Variants in SLC27A1 observed in about 807,000 individuals in gnomAD.
The protein encoded by SLC27A1 is long-chain fatty acid transport protein 1.
SLC27A1 carries 61 observed loss-of-function variants against 62.2 expected under a neutral mutation model. That is an observed-to-expected ratio of 0.98 (90% confidence interval 0.80 to 1.21). The LOEUF is 1.21. SLC27A1 is among the 50% of genes most tolerant of loss of function. The probability of loss-of-function intolerance (pLI) is 0.00; values close to 1 mark genes in which losing one functional copy is unlikely to be tolerated. For synonymous variants in SLC27A1, 435 were observed against 408.6 expected (o/e 1.06, Z -0.78); for missense variants, 903 against 932.1 (o/e 0.97, Z 0.41).
intron 1 of SLC27A1, among the ~76,000 whole-genome samples, chr19:17,477,109 G>C (rs533783287): frequency 6.6e-6 from 1 of 151,874 alleles, no homozygotes; most frequent in African/African-American, 2.4e-5. Flanking sequence ...GGCTGGTCTC[G>C]AACTCCTGGC....
At position 17,474,981 on chromosome 19, in the gene SLC27A1, G is replaced by A. The variant is rs1798759133; in HGVS notation, c.167+4274G>A. On this transcript the variant is annotated intron_variant, in intron 1 of 11. Coordinates refer to ENST00000252595, the MANE Select transcript of SLC27A1 (RefSeq NM_198580.3). ...GCCACCCGGGCTGGAGTGCAGTGGT[G>A]TGACTCCACTGCACCCTCCAGCTCC... 2.0e-5 allele frequency among the ~76,000 whole-genome samples: 3 copies of A among 150,698 alleles called. No homozygotes were observed. The South Asian group carries it at 6.3e-4, about 32-fold the overall frequency.
intron 4 of SLC27A1, among the ~76,000 whole-genome samples, chr19:17,487,828 C>G (rs1320843416): frequency 6.6e-6 from 1 of 152,048 alleles, no homozygotes; most frequent in Admixed American, 6.6e-5. Flanking sequence ...CTCATCCCCC[C>G]ACCTGTTCAC....
At chr19:17,475,366 C>T (rs1254186289) in intron 1 of SLC27A1, among the ~76,000 whole-genome samples, 1 of 152,104 alleles carries the variant, frequency 6.6e-6, no homozygotes, top group African/African-American at 2.4e-5. Flanking sequence ...CATGATGAGA[C>T]TCCATCTCTA....
intron 1 of SLC27A1, among the ~76,000 whole-genome samples, chr19:17,478,751 G>A (rs759665993): frequency 6.6e-6 from 1 of 152,052 alleles, no homozygotes; most frequent in African/African-American, 2.4e-5. Flanking sequence ...CAGCTACTCA[G>A]GGGGCTGAGG....
chr19:17,504,722 G>T lies in SLC27A1; in HGVS notation c.*110G>T, dbSNP rs183724830. On this transcript the variant is annotated 3_prime_UTR_variant, in exon 12 of 12. Coordinates refer to ENST00000252595, the MANE Select transcript of SLC27A1 (RefSeq NM_198580.3). Reference sequence around the variant, plus strand: ...TAGTACACACCCACCTGGCCGAGCTGTACCTGGCACGGCCCATCCTGGACT... The same window carrying T: ...TAGTACACACCCACCTGGCCGAGCTTTACCTGGCACGGCCCATCCTGGACT... 6.1e-4 allele frequency: 860 copies of T among 1,416,110 alleles called. 4 individuals carry two copies. The East Asian group carries it at 0.013, about 21-fold the overall frequency. 87.7% of individuals were successfully genotyped at this position (1,416,110 alleles called of 1,614,324 possible).
At chr19:17,490,328 T>A (rs1186845796) in intron 6 of SLC27A1, among the ~76,000 whole-genome samples, 1 of 151,802 alleles carries the variant, frequency 6.6e-6, no homozygotes, top group Non-Finnish European at 1.5e-5. Context: ...ACTTTTGAAT[T>A]TTTTTTGTAG....
intron 1 of SLC27A1, among the ~76,000 whole-genome samples, chr19:17,477,251 T>TTTTTTTC (rs2075133223): frequency 7.5e-6 from 1 of 133,910 alleles, no homozygotes; most frequent in Non-Finnish European, 1.6e-5. Context: ...TTTTTTTTTT[T>TTTTTTTC]TTTTTTTTTT....
Position 17,504,961 on chromosome 19 carries a change from C to T in SLC27A1, c.*349C>T, listed in dbSNP as rs947619314. 5.6e-5 allele frequency: 24 copies of T among 425,268 alleles called. No homozygotes were observed. Among genetic ancestry groups the T allele is most frequent in the Non-Finnish European group, 1.1e-4 (23 of 215,368 alleles). The allele number at this position is 425,268 out of a possible 1,614,324, so 26.3% of individuals were successfully genotyped here. A position where few individuals can be genotyped will look rare whatever the true frequency, so the allele number is the denominator to read the frequency against. ...GGGCTAGAGTGCAGTGGTGGGATCT[C>T]GGCTCACTGCAACCTCTGCCTCCTG... On this transcript the variant is annotated 3_prime_UTR_variant, in exon 12 of 12. Coordinates refer to ENST00000252595, the MANE Select transcript of SLC27A1 (RefSeq NM_198580.3).
In SLC27A1 at chr19:17,486,543, C is replaced by G. The variant is rs2075231060; in HGVS notation, c.168-20C>G. On this transcript the variant is annotated intron_variant, in intron 1 of 11. Transcript: ENST00000252595. The surrounding 1 kb of genome is among the most constrained non-coding windows in gnomAD (Gnocchi z 6.6). ...GGGGCAGGGCACCAGTGACGCTGTC[C>G]CCTCCGTCCTCCCTCCCAGCGGTCT... 2.6e-6 allele frequency: 4 copies of G among 1,555,366 alleles called. No homozygotes were observed. The highest frequency in any genetic ancestry group is 3.5e-6 in the Non-Finnish European group (4 of 1,157,052).
intron 1 of SLC27A1, among the ~76,000 whole-genome samples, chr19:17,481,510 A>T (rs921259551): frequency 2.6e-5 from 4 of 151,634 alleles, no homozygotes; most frequent in East Asian, 1.9e-4. Context: ...AAATGATTTT[A>T]AAAAATTTCT....
At position 17,504,338 on chromosome 19, in the gene SLC27A1, C is replaced by T. The variant is rs1445049133; in HGVS notation, c.1784-117C>T. The T allele has an allele frequency of 3.8e-6, 5 of 1,300,990 alleles. No individual in the cohort carries two copies. The African/African-American group carries it at 7.4e-5, about 19-fold the overall frequency. The allele number at this position is 1,300,990 out of a possible 1,614,324, so 80.6% of individuals were successfully genotyped here. A position where few individuals can be genotyped will look rare whatever the true frequency, so the allele number is the denominator to read the frequency against. On this transcript the variant is annotated intron_variant, in intron 11 of 11. Coordinates refer to ENST00000252595, the MANE Select transcript of SLC27A1 (RefSeq NM_198580.3). The stretch of plus-strand genomic sequence containing the variant: ...ATCAGGCAGGCAAAATGGGGAAGAA[C>T]ATTCCTGCCCAGGGGACAGCCTGTG...
chr19:17,486,847 C>G lies in SLC27A1; in HGVS notation c.452C>G (p.Ala151Gly), dbSNP rs756524363. 1 of 1,587,268 alleles carries G rather than the reference C, an allele frequency of 6.3e-7. No homozygotes were observed. The highest frequency in any genetic ancestry group is 1.1e-5 in the South Asian group (1 of 89,262). The change falls in exon 2 of 12, where the codon GCG becomes GGG. Residue 151 changes from alanine (A) to glycine (G), a missense_variant. Ala to Gly is a moderately conservative substitution (Grantham distance 60). Coordinates refer to ENST00000252595, the MANE Select transcript of SLC27A1 (RefSeq NM_198580.3). The surrounding 1 kb of genome is among the most constrained non-coding windows in gnomAD (Gnocchi z 6.6). ...GGGCTGTGGCTGGGCCTGGCCAAGG[C>G]GGGCATGGAGGCCGCGCTGCTCAAC... ...FVGLWLGLAK[A>G]GMEAALLNVN...
chr19:17,501,793 ACT>A (rs986727038), intron 11 of SLC27A1, among the ~76,000 whole-genome samples: 4 of 91,354 alleles, frequency 4.4e-5, no homozygotes, highest in Admixed American at 3.0e-4. Flanking sequence ...ATAGAGTGAT[ACT>A]CTGTCTCAAA....
chr19:17,482,650 CAAAAAAAAAAAAA>C (rs57804553), intron 1 of SLC27A1, among the ~76,000 whole-genome samples: 1 of 60,682 alleles, frequency 1.6e-5, no homozygotes, highest in East Asian at 5.1e-4. Flanking sequence ...GACTCTGTCT[CAAAAAAAAAAAAA>C]AAAAAAAAAA....
In SLC27A1 at chr19:17,487,286, G is replaced by A. The variant is rs145113123; in HGVS notation, c.675G>A (p.Lys225=). 9.9e-6 allele frequency: 16 copies of A among 1,613,690 alleles called. No individual in the cohort carries two copies. The African/African-American group carries it at 1.7e-4, about 17-fold the overall frequency. The change falls in exon 3 of 12, where the codon AAG becomes AAA. Residue 225 remains lysine (K), a synonymous_variant. Transcript: ENST00000252595. ...CCCACCTCCTGGACCCGCTGCTGAA[G>A]GAGGCCTCTACTGCCCCCTTGGCAC... is the stretch of plus-strand genomic sequence containing the variant. ...PDTHLLDPLL[K]EASTAPLAQI... is the part of the protein sequence containing the mutation.
At position 17,505,353 on chromosome 19, in the gene SLC27A1, C is replaced by T. The variant is rs968720482; in HGVS notation, c.*741C>T. ...CCACCTCCCTCTCGGCTGTGCCTTA[C>T]GGAGCCCCGATCCAGGCCTCCTGTG... On this transcript the variant is annotated 3_prime_UTR_variant, in exon 12 of 12. Transcript: ENST00000252595. The T allele has an allele frequency of 8.5e-5, 14 of 163,906 alleles. No individual in the cohort carries two copies. Among genetic ancestry groups the T allele is most frequent in the South Asian group, 3.1e-4 (2 of 6,384 alleles). The allele number at this position is 163,906 out of a possible 1,614,324, so 10.2% of individuals were successfully genotyped here.
chr19:17,474,841 G>A (rs998188710), intron 1 of SLC27A1, among the ~76,000 whole-genome samples: 5 of 151,884 alleles, frequency 3.3e-5, no homozygotes, highest in African/African-American at 4.8e-5. Flanking sequence ...TGTTGGCCAG[G>A]CTGGTCTTGA....
In SLC27A1 at chr19:17,504,660, A is replaced by C. The variant is rs1224466127; in HGVS notation, c.*48A>C. ...AACTCTGGGCCTGGTGGGAGAGGCCAGCTTGAGCCAGACAGCGCTGCCCAG... is the reference window on the plus strand; with the variant it reads ...AACTCTGGGCCTGGTGGGAGAGGCCCGCTTGAGCCAGACAGCGCTGCCCAG... On this transcript the variant is annotated 3_prime_UTR_variant, in exon 12 of 12. Coordinates refer to ENST00000252595, the MANE Select transcript of SLC27A1 (RefSeq NM_198580.3). 3.1e-6 allele frequency: 5 copies of C among 1,611,222 alleles called. No homozygotes were observed. The Admixed American group carries it at 5.0e-5, about 16-fold the overall frequency.
At chr19:17,483,330 G>A (rs895785764) in intron 1 of SLC27A1, among the ~76,000 whole-genome samples, 3 of 152,272 alleles carry the variant, frequency 2.0e-5, no homozygotes, top group South Asian at 4.2e-4. Context: ...TGATTGGGGA[G>A]CAGTAAGCAT....
Sources: gnomAD v4.1 joint callset for allele counts (sites outside exome capture counted in the v4.1 genomes callset) on GRCh38, gnomAD v4.1.1 for gene constraint, Gnocchi (gnomAD v3.1) non-coding constraint, MANE v1.5 for transcripts, NCBI Gene and HGNC (gene_info 2026-07-23, HGNC 2026-07-21) for gene names.